NF1: variants seen among roughly 807,000 people sequenced by gnomAD.
NF1 encodes neurofibromin 1.
NF1 carries 122 observed loss-of-function variants against 325.7 expected under a neutral mutation model. The observed-to-expected ratio is 0.37, with a 90% CI of 0.32 to 0.44. The LOEUF is 0.44. Among genes scored for constraint, NF1 ranks in the 20% least tolerant of loss-of-function variants. NF1 has a pLI of 1.00. For missense variants in NF1, 2,140 were observed against 3,415.4 expected (o/e 0.63, Z 9.31); for synonymous variants, 1,091 against 1,186.0 (o/e 0.92, Z 1.65).
chr17:31,332,061 C>T (rs950726215), intron 39 of NF1, among the ~76,000 whole-genome samples: 9 of 151,308 alleles, frequency 5.9e-5, no homozygotes, highest in East Asian at 3.9e-4. Context: ...AAGGAAATAG[C>T]GAACAGATTT....
Position 31,345,407 on chromosome 17 carries a change from A to G in NF1, c.7189+2272A>G, listed in dbSNP as rs796923567. ...CCTGTAGGGGCGGCCGGCGAGTCCC[A>G]GTGAGAGCGGAGGGTGCCAGAGGTA... On this transcript the variant is annotated intron_variant, in intron 48 of 57. Transcript: ENST00000358273. 958 of 1,232,218 alleles carry G rather than the reference A, an allele frequency of 7.8e-4. 1 individual carries two copies. The African/African-American group carries it at 0.013, about 17-fold the overall frequency. 76.3% of individuals were successfully genotyped at this position (1,232,218 alleles called of 1,614,324 possible). A position where few individuals can be genotyped will look rare whatever the true frequency, so the allele number is the denominator to read the frequency against.
chr17:31,148,898 TC>T (rs777532262), intron 1 of NF1, among the ~76,000 whole-genome samples: 8 of 152,164 alleles, frequency 5.3e-5, no homozygotes, highest in Non-Finnish European at 1.0e-4. Flanking sequence ...TAAAATGAAA[TC>T]TACAAAAACA....
At chr17:31,196,572 C>G (rs2066437219) in intron 8 of NF1, among the ~76,000 whole-genome samples, 1 of 151,880 alleles carries the variant, frequency 6.6e-6, no homozygotes, top group Non-Finnish European at 1.5e-5. Flanking sequence ...CTTTTGTTGC[C>G]TGTGCTTTTT....
At position 31,376,437 on chromosome 17, in the gene NF1, C is replaced by T. The variant is rs2070732954; in HGVS notation, c.*2282C>T. 1.3e-5 allele frequency: 3 copies of T among 232,432 alleles called. No homozygotes were observed. Among genetic ancestry groups the T allele is most frequent in the African/African-American group, 2.2e-5 (1 of 45,294 alleles). The allele number at this position is 232,432 out of a possible 1,614,324, so 14.4% of individuals were successfully genotyped here. A position where few individuals can be genotyped will look rare whatever the true frequency, so the allele number is the denominator to read the frequency against. The stretch of plus-strand genomic sequence containing the variant: ...TCAAAATTCAGCCGCCTTTGAAATG[C>T]AAAAATACCTTTGACTAGTAAGTAC... On this transcript the variant is annotated 3_prime_UTR_variant, in exon 58 of 58. Transcript: ENST00000358273.
chr17:31,325,673 G>A, intron 36 of NF1, 147 bp from the exon 37 acceptor site: 2 of 702,792 alleles, frequency 2.8e-6, no homozygotes, highest in Non-Finnish European at 4.6e-6. Flanking sequence ...AAAAACAACT[G>A]ATTTAAAAAA....
chr17:31,141,425 A>G (rs1053323807), intron 1 of NF1, among the ~76,000 whole-genome samples: 3 of 151,566 alleles, frequency 2.0e-5, no homozygotes, highest in Non-Finnish European at 2.9e-5. Context: ...TTTTCTTACT[A>G]CGGTGTTGGT....
At chr17:31,323,965 TTTATC>T (rs1472249062) in intron 36 of NF1, among the ~76,000 whole-genome samples, 1 of 152,284 alleles carries the variant, frequency 6.6e-6, no homozygotes, top group African/African-American at 2.4e-5. Flanking sequence ...TTGTCATATT[TTTATC>T]TTATTTTCTC....
intron 36 of NF1, among the ~76,000 whole-genome samples, chr17:31,266,375 G>A (rs1292001719): frequency 6.6e-6 from 1 of 152,068 alleles, no homozygotes; most frequent in African/African-American, 2.4e-5. Flanking sequence ...GAAGTCCAAA[G>A]GACTGGAGTA....
intron 1 of NF1, among the ~76,000 whole-genome samples, chr17:31,101,933 C>T (rs978383270): frequency 7.9e-5 from 12 of 152,162 alleles, no homozygotes; most frequent in African/African-American, 2.9e-4. Context: ...GAATTCTCTT[C>T]TAGTCACCCC....
intron 11 of NF1, among the ~76,000 whole-genome samples, chr17:31,205,667 T>A (rs2066606903): frequency 6.6e-6 from 1 of 152,166 alleles, no homozygotes; most frequent in Non-Finnish European, 1.5e-5. Flanking sequence ...CTCCCATATA[T>A]CATGTCATCA....
At chr17:31,295,240 G>A in intron 36 of NF1, 1 of 1,614,102 alleles carries the variant, frequency 6.2e-7, no homozygotes, top group Admixed American at 1.7e-5. Flanking sequence ...TGAGGCTTGT[G>A]TTTGTGACCA....
At chr17:31,263,255 A>G (rs1179639557) in intron 35 of NF1, among the ~76,000 whole-genome samples, 3 of 152,080 alleles carry the variant, frequency 2.0e-5, no homozygotes, top group Admixed American at 6.5e-5. Flanking sequence ...ACCCTGGGCA[A>G]CATAGCAGGA....
chr17:31,175,107 CAAAAAAAA>C (rs1171161386), intron 5 of NF1, among the ~76,000 whole-genome samples: 1 of 29,042 alleles, frequency 3.4e-5, no homozygotes, highest in East Asian at 1.4e-3. Flanking sequence ...GACTCCATCT[CAAAAAAAA>C]AAAAAAAAAA....
intron 51 of NF1, among the ~76,000 whole-genome samples, chr17:31,354,292 G>C (rs955218251): frequency 6.6e-6 from 1 of 152,166 alleles, no homozygotes; most frequent in Non-Finnish European, 1.5e-5. Context: ...TTTGGGCTGT[G>C]TCATAAAGAT....
intron 57 of NF1, chr17:31,367,353 C>G: frequency 1.0e-6 from 1 of 974,966 alleles, no homozygotes; most frequent in Non-Finnish European, 1.4e-6. Context: ...TAGCATGAGA[C>G]TTTACTCACC....
chr17:31,373,983 G>T (rs759710899), intron 57 of NF1, 30 bp from the exon 58 acceptor site: 1 of 1,613,680 alleles, frequency 6.2e-7, no homozygotes. Context: ...AGGAAAAGAA[G>T]AAGTAACTGG....
chr17:31,310,434 G>C (rs970789499), intron 36 of NF1, among the ~76,000 whole-genome samples: 2 of 151,832 alleles, frequency 1.3e-5, no homozygotes, highest in African/African-American at 2.4e-5. Flanking sequence ...AGTTGGGGGT[G>C]GGGGGAGATG....
intron 31 of NF1, 82 bp from the exon 32 acceptor site, chr17:31,258,262 A>G: frequency 6.7e-7 from 1 of 1,485,032 alleles, no homozygotes; most frequent in East Asian, 2.3e-5. Context: ...TTTTTATGCA[A>G]AGTTTGACCT....
At chr17:31,322,932 C>G (rs1453868441) in intron 36 of NF1, among the ~76,000 whole-genome samples, 1 of 152,186 alleles carries the variant, frequency 6.6e-6, no homozygotes, top group Non-Finnish European at 1.5e-5. Flanking sequence ...CTAGACTCTA[C>G]AGTGCCTTTT....
Sources: gnomAD v4.1 joint callset for allele counts (sites outside exome capture counted in the v4.1 genomes callset) on GRCh38, gnomAD v4.1.1 for gene constraint, MANE v1.5 for transcripts, NCBI Gene and HGNC (gene_info 2026-07-23, HGNC 2026-07-21) for gene names.